The following PDCD10 variants were observed in gnomAD, a reference collection of about 807,000 sequenced individuals.
PDCD10 encodes programmed cell death protein 10.
In PDCD10, 4 loss-of-function variants were observed where a neutral mutation model predicts 29.2. The observed-to-expected ratio is 0.14, with a 90% confidence interval of 0.07 to 0.31. The LOEUF is 0.31. Ranked by LOEUF, PDCD10 falls within the 10% of genes least tolerant of loss-of-function variation. The pLI, the probability that PDCD10 is intolerant of heterozygous loss-of-function variation, is 1.00. For synonymous variants in PDCD10, 70 were observed against 82.2 expected (o/e 0.85, Z 0.80); for missense variants, 183 against 257.9 (o/e 0.71, Z 1.99).
chr3:167,690,475 T>C (rs1418890698), intron 6 of PDCD10, among the ~76,000 whole-genome samples: 1 of 152,236 alleles, frequency 6.6e-6, no homozygotes, highest in Non-Finnish European at 1.5e-5. Context: ...CAAATGCAGA[T>C]TACAAACAGT....
rs1719278282 is a variant in PDCD10 at position 167,683,600 on chromosome 3, A to T, written c.*708T>A. On this transcript the variant is annotated 3_prime_UTR_variant, in exon 9 of 9. Coordinates refer to ENST00000392750, the MANE Select transcript of PDCD10 (RefSeq NM_007217.4). Reference sequence around the variant, plus strand: ...ACAAGAGTTCAAAAAGTGGCATTATAGTGCAAAAACACTAGAAAATGCTAT... The same window carrying T: ...ACAAGAGTTCAAAAAGTGGCATTATTGTGCAAAAACACTAGAAAATGCTAT... 6.6e-6 allele frequency: 1 copy of T among 151,978 alleles called. No individual in the cohort carries two copies. The highest frequency in any genetic ancestry group is 2.4e-5 in the African/African-American group (1 of 41,424). 9.4% of individuals were successfully genotyped at this position (151,978 alleles called of 1,614,324 possible). A position where few individuals can be genotyped will look rare whatever the true frequency, so the allele number is the denominator to read the frequency against.
chr3:167,684,296 C>T lies in PDCD10; in HGVS notation c.*12G>A. On this transcript the variant is annotated 3_prime_UTR_variant, in exon 9 of 9. Coordinates refer to ENST00000392750, the MANE Select transcript of PDCD10 (RefSeq NM_007217.4). ...TGCCACTGAGAAGTACATCTCTTAA[C>T]ATATACAACTTTCAGGCCACAGTTT... 2 of 1,470,648 alleles carry T rather than the reference C, an allele frequency of 1.4e-6. No homozygotes were observed. The highest frequency in any genetic ancestry group is 1.9e-6 in the Non-Finnish European group (2 of 1,049,392). 91.1% of individuals were successfully genotyped at this position (1,470,648 alleles called of 1,614,324 possible). A position where few individuals can be genotyped will look rare whatever the true frequency, so the allele number is the denominator to read the frequency against.
At chr3:167,708,455 A>G (rs892335302) in intron 3 of PDCD10, among the ~76,000 whole-genome samples, 19 of 152,088 alleles carry the variant, frequency 1.2e-4, no homozygotes, top group Admixed American at 1.2e-3. Flanking sequence ...GCAAGATTTG[A>G]TTTTTCCATG....
chr3:167,707,332 A>T (rs1722075398), intron 3 of PDCD10, among the ~76,000 whole-genome samples: 1 of 152,206 alleles, frequency 6.6e-6, no homozygotes, highest in East Asian at 1.9e-4. Context: ...TTTAGAGTCC[A>T]GCACTTTCCG....
intron 2 of PDCD10, among the ~76,000 whole-genome samples, chr3:167,724,651 T>G (rs1723906088): frequency 6.6e-6 from 1 of 152,190 alleles, no homozygotes; most frequent in African/African-American, 2.4e-5. Flanking sequence ...GCTAATATAC[T>G]TTTCAAATAG....
intron 6 of PDCD10, among the ~76,000 whole-genome samples, chr3:167,690,182 T>C (rs963390842): frequency 6.6e-6 from 1 of 152,222 alleles, no homozygotes; most frequent in African/African-American, 2.4e-5. Flanking sequence ...ACCAACCTAA[T>C]AGCGCAGCTT....
chr3:167,707,627 G>A lies in PDCD10; in HGVS notation c.97-2732C>T, dbSNP rs61002257. On this transcript the variant is annotated intron_variant, in intron 3 of 8. Transcript: ENST00000392750. ...TGGGAGGCAGAGCTTGCAGTGAGCC[G>A]AGATCACACCACTGCACTCCAGCCT... Among the ~76,000 whole-genome samples the A allele has an allele frequency of 7.9e-3, 1,205 of 151,618 alleles. 90 individuals are homozygous for A. The East Asian group carries it at 0.17, about 22-fold the overall frequency.
intron 8 of PDCD10, 34 bp downstream of exon 8, chr3:167,687,200 A>G (rs771719662): frequency 9.3e-7 from 1 of 1,076,260 alleles, no homozygotes; most frequent in South Asian, 1.3e-5. Flanking sequence ...AATCTATTTA[A>G]TTTTAAAAGT....
In PDCD10 at chr3:167,687,631, T is replaced by G. The variant is rs1300643035; in HGVS notation, c.458A>C (p.Gln153Pro). The change falls in exon 7 of 9, where the codon CAA (glutamine) becomes CCA (proline). Residue 153 changes from glutamine to proline, a missense_variant. By Grantham distance (76) the Gln-to-Pro change is moderately conservative. Transcript: ENST00000392750. ...DTVNNVFKKY[Q>P]YQNRRALEHQ... is the part of the protein sequence containing the mutation. Reference sequence around the variant, plus strand: ...TAAACGTACCCTGCGGTTCTGGTATTGATATTTCTTGAAGACATTATTCAC... The same window carrying G: ...TAAACGTACCCTGCGGTTCTGGTATGGATATTTCTTGAAGACATTATTCAC... 1 of 1,592,706 alleles carries G rather than the reference T, an allele frequency of 6.3e-7. No homozygotes were observed. The highest frequency in any genetic ancestry group is 8.6e-7 in the Non-Finnish European group (1 of 1,160,702).
At position 167,690,344 on chromosome 3, in the gene PDCD10, C is replaced by T. The variant is rs147169697; in HGVS notation, c.396-2651G>A. On this transcript the variant is annotated intron_variant, in intron 6 of 8. Coordinates refer to ENST00000392750, the MANE Select transcript of PDCD10 (RefSeq NM_007217.4). ...CAAATGCACTAATGAAAGGGAATCC[C>T]TGTGCTTTATGTTGAGTTTGGTTTA... is the stretch of plus-strand genomic sequence containing the variant. Among the ~76,000 whole-genome samples, 22 of 152,304 alleles carry T rather than the reference C, an allele frequency of 1.4e-4. 1 individual carries two copies. The East Asian group carries it at 4.2e-3, about 29-fold the overall frequency.
chr3:167,688,059 A>G (rs1001779391), intron 6 of PDCD10, among the ~76,000 whole-genome samples: 22 of 152,218 alleles, frequency 1.4e-4, no homozygotes, highest in African/African-American at 5.3e-4. Context: ...TGCTCTGGCT[A>G]ATGTAGCTAA....
At chr3:167,712,377 T>C (rs1461228185) in intron 3 of PDCD10, among the ~76,000 whole-genome samples, 1 of 152,098 alleles carries the variant, frequency 6.6e-6, no homozygotes, top group Non-Finnish European at 1.5e-5. Context: ...ATTTATGTAA[T>C]CAGTGATAAG....
intron 4 of PDCD10, among the ~76,000 whole-genome samples, chr3:167,700,438 T>C (rs1044693025): frequency 1.3e-5 from 2 of 151,952 alleles, no homozygotes; most frequent in African/African-American, 4.8e-5. Flanking sequence ...AGAAGGTGTA[T>C]TGCATGATAC....
intron 4 of PDCD10, among the ~76,000 whole-genome samples, chr3:167,700,755 A>G (rs1389071094): frequency 6.6e-6 from 1 of 152,220 alleles, no homozygotes; most frequent in Non-Finnish European, 1.5e-5. Context: ...AATTTTAGAA[A>G]GAGGTTTTGC....
intron 2 of PDCD10, among the ~76,000 whole-genome samples, chr3:167,724,025 A>C (rs999127087): frequency 2.8e-4 from 43 of 152,312 alleles, no homozygotes; most frequent in African/African-American, 9.4e-4. Context: ...CCAAACTCTT[A>C]AATCTTTGGT....
In PDCD10 at chr3:167,687,649, T is replaced by A. The variant is rs1353264456; in HGVS notation, c.440A>T (p.Asn147Ile). ...CTGGTATTGATATTTCTTGAAGACA[T>A]TATTCACTGTATCAAGAAGTTCTTT... ...AIKELLDTVNNVFKKYQYQNR... is the reference protein window; with the variant it reads ...AIKELLDTVNIVFKKYQYQNR... Residue 147 changes from asparagine to isoleucine, a missense_variant, in exon 7 of 9, where the codon AAT becomes ATT. By Grantham distance (149) the Asn-to-Ile change is moderately radical (BLOSUM62 -3). Transcript: ENST00000392750. 6.2e-7 allele frequency: 1 copy of A among 1,600,484 alleles called. No individual in the cohort carries two copies. Among genetic ancestry groups the A allele is most frequent in the East Asian group, 2.2e-5 (1 of 44,820 alleles).
At chr3:167,704,918 T>C (rs1255566937) in intron 3 of PDCD10, 23 bp from the exon 4 acceptor site, 4 of 1,512,012 alleles carry the variant, frequency 2.6e-6, no homozygotes, top group Non-Finnish European at 3.7e-6. Flanking sequence ...TTTTAAATTA[T>C]TATGAATATC....
At chr3:167,696,587 T>C (rs1720834790) in intron 5 of PDCD10, among the ~76,000 whole-genome samples, 1 of 152,202 alleles carries the variant, frequency 6.6e-6, no homozygotes, top group African/African-American at 2.4e-5. Flanking sequence ...AGGATGGTTA[T>C]ATTATTCTCT....
In PDCD10 at chr3:167,695,628, G is replaced by C. The variant is rs773175627; in HGVS notation, c.363C>G (p.Ile121Met). 1 of 1,612,712 alleles carries C rather than the reference G, an allele frequency of 6.2e-7. No individual in the cohort carries two copies. Among genetic ancestry groups the C allele is most frequent in the Non-Finnish European group, 8.5e-7 (1 of 1,178,744 alleles). ...TCTGCAGAAACCTCACTCTGTCATT[G>C]ATCTCATCTGGGATCTTACTGAGAA... is the stretch of plus-strand genomic sequence containing the variant. ...KQILSKIPDE[I>M]NDRVRFLQTI... The change falls in exon 6 of 9, where the codon ATC becomes ATG. Residue 121 changes from isoleucine to methionine, a missense_variant. Ile to Met is a conservative substitution (Grantham distance 10, BLOSUM62 1). Transcript: ENST00000392750.
Sources: allele counts gnomAD v4.1 joint callset (sites outside exome capture counted in the v4.1 genomes callset), GRCh38; gene constraint gnomAD v4.1.1; transcripts MANE v1.5; gene names NCBI Gene and HGNC (gene_info 2026-07-23, HGNC 2026-07-21).